MYO3B: variants seen among roughly 807,000 people sequenced by gnomAD.
MYO3B encodes the protein myosin IIIB.
MYO3B carries 156 observed loss-of-function variants against 174.6 expected under a neutral mutation model. The ratio of observed to expected loss-of-function variants is 0.89; its 90% CI spans 0.78 to 1.02. The LOEUF (loss-of-function observed/expected upper bound fraction) is 1.02, where lower values mean the gene tolerates loss of function less well. MYO3B is among the 50% of genes least tolerant of loss of function. The pLI is 0.00. For missense variants in MYO3B, 1,632 were observed against 1,639.4 expected, an observed-to-expected ratio of 1.00 and a Z score of 0.08; for synonymous variants, 563 against 569.1, an observed-to-expected ratio of 0.99 and a Z score of 0.15.
chr2:170,271,124 T>C (rs545446879), intron 7 of MYO3B, among the ~76,000 whole-genome samples: 3 of 152,172 alleles, frequency 2.0e-5, no homozygotes, highest in Non-Finnish European at 4.4e-5. Flanking sequence ...TGTAACCTGG[T>C]TTCCAGGGGT....
chr2:170,402,765 T>A, intron 18 of MYO3B, 83 bp from the exon 19 acceptor site: 6 of 1,337,614 alleles, frequency 4.5e-6, no homozygotes, highest in Non-Finnish European at 5.9e-6. Context: ...CTTGAGCTGA[T>A]AAGCACTTGG....
At chr2:170,302,975 T>A (rs1379270042) in intron 7 of MYO3B, among the ~76,000 whole-genome samples, 2 of 152,194 alleles carry the variant, frequency 1.3e-5, no homozygotes, top group East Asian at 3.8e-4. Flanking sequence ...ATCTTTTCAT[T>A]CTTGAGTCTA....
intron 32 of MYO3B, among the ~76,000 whole-genome samples, chr2:170,607,285 T>A (rs1694871184): frequency 6.6e-6 from 1 of 152,250 alleles, no homozygotes; most frequent in Non-Finnish European, 1.5e-5. Context: ...TAGATTATGA[T>A]GCAGAAATAA....
At chr2:170,235,884 T>C in intron 6 of MYO3B, 107 bp from the exon 7 acceptor site, 1 of 1,343,198 alleles carries the variant, frequency 7.4e-7, no homozygotes, top group South Asian at 1.3e-5. Flanking sequence ...TTCAATATCA[T>C]CGTGGCCAAG....
chr2:170,293,279 A>G (rs2093607786), intron 7 of MYO3B, among the ~76,000 whole-genome samples: 1 of 152,186 alleles, frequency 6.6e-6, no homozygotes, highest in Non-Finnish European at 1.5e-5. Context: ...TACTTTTTCC[A>G]TAAAAGTTTG....
At chr2:170,460,762 A>T (rs1387944334) in intron 23 of MYO3B, among the ~76,000 whole-genome samples, 1 of 152,194 alleles carries the variant, frequency 6.6e-6, no homozygotes, top group Non-Finnish European at 1.5e-5. Flanking sequence ...TAGAGTGCAA[A>T]TTGGTGCTTA....
intron 7 of MYO3B, chr2:170,334,151 AAGG>A (rs775524705): frequency 2.6e-5 from 4 of 152,156 alleles, no homozygotes; most frequent in Non-Finnish European, 4.4e-5. Context: ...AAGAAGGGGG[AAGG>A]AGAAGAATGG....
chr2:170,180,193 C>T, intron 1 of MYO3B: 1 of 442,802 alleles, frequency 2.3e-6, no homozygotes, highest in Non-Finnish European at 4.6e-6. Context: ...TAAGGCTGTA[C>T]CTCCGTTAGG....
At chr2:170,357,474 G>T (rs1028169467) in intron 8 of MYO3B, among the ~76,000 whole-genome samples, 1 of 150,926 alleles carries the variant, frequency 6.6e-6, no homozygotes, top group African/African-American at 2.4e-5. Flanking sequence ...TGTGGACACC[G>T]CTAACAAAGT....
At position 170,402,114 on chromosome 2, in the gene MYO3B, C is replaced by A. The variant is rs568272969; in HGVS notation, c.2129+423C>A. ...GGAGCTGGACAAACTGGGTTCGCAC[C>A]CAAACTCTACAGCTTAACCCATTTA... On this transcript the variant is annotated intron_variant, in intron 18 of 34. Coordinates refer to ENST00000408978, the MANE Select transcript of MYO3B (RefSeq NM_138995.5). Among the ~76,000 whole-genome samples the A allele has an allele frequency of 1.1e-4, 17 of 152,262 alleles. No individual in the cohort carries two copies. The South Asian group carries it at 3.5e-3, about 32-fold the overall frequency.
chr2:170,217,265 T>C (rs1343944157), intron 5 of MYO3B, 54 bp from the exon 6 acceptor site: 12 of 1,505,738 alleles, frequency 8.0e-6, no homozygotes, highest in South Asian at 2.3e-5. Context: ...TGCCGATTGC[T>C]GGTCTAGCAT....
intron 22 of MYO3B, among the ~76,000 whole-genome samples, chr2:170,429,167 T>A (rs2094688576): frequency 6.6e-6 from 1 of 152,210 alleles, no homozygotes; most frequent in Non-Finnish European, 1.5e-5. Flanking sequence ...AGGGATTTTT[T>A]AATTTGCAGT....
chr2:170,539,167 A>G (rs1372774145), intron 30 of MYO3B, among the ~76,000 whole-genome samples: 2 of 152,192 alleles, frequency 1.3e-5, no homozygotes, highest in African/African-American at 2.4e-5. Context: ...TTTTTTCAGA[A>G]TACTGACTTT....
intron 32 of MYO3B, among the ~76,000 whole-genome samples, chr2:170,630,307 G>T (rs891528102): frequency 6.6e-6 from 1 of 152,196 alleles, no homozygotes; most frequent in East Asian, 1.9e-4. Flanking sequence ...CTCATTGCTA[G>T]TCCGAGATCA....
intron 7 of MYO3B, among the ~76,000 whole-genome samples, chr2:170,321,296 A>G (rs965749287): frequency 6.6e-6 from 1 of 152,238 alleles, no homozygotes; most frequent in African/African-American, 2.4e-5. Context: ...AAAGGATTTA[A>G]TAAAATAGAA....
rs571056888 is a variant in MYO3B, at chr2:170,562,476, C to T, written c.3733+18488C>T. Among the ~76,000 whole-genome samples the T allele has an allele frequency of 1.2e-4, 18 of 151,926 alleles. No individual in the cohort carries two copies. In the South Asian group the frequency reaches 3.5e-3, roughly 30 times the overall value. ...GATATAGAAAAATAACCCCAAAAGCCGACAAAACCCAAAAATAACAATAAC... is the reference window on the plus strand; with the variant it reads ...GATATAGAAAAATAACCCCAAAAGCTGACAAAACCCAAAAATAACAATAAC... On this transcript the variant is annotated intron_variant, in intron 32 of 34. Coordinates refer to ENST00000408978, the MANE Select transcript of MYO3B (RefSeq NM_138995.5).
intron 6 of MYO3B, 54 bp downstream of exon 6, chr2:170,217,449 A>G: frequency 7.2e-7 from 1 of 1,397,464 alleles, no homozygotes; most frequent in Non-Finnish European, 1.0e-6. Context: ...CCTTGGTACT[A>G]TGCCTTTTTA....
intron 9 of MYO3B, among the ~76,000 whole-genome samples, chr2:170,377,600 C>T (rs995510394): frequency 3.3e-5 from 5 of 152,124 alleles, no homozygotes; most frequent in East Asian, 1.9e-4. Context: ...CACAGTCTCC[C>T]GCTCCACTGC....
At position 170,494,727 on chromosome 2, in the gene MYO3B, CAAA is replaced by C. The variant is rs3066990; in HGVS notation, c.3015-3846_3015-3844del. Reference sequence around the variant, plus strand: ...TGGGCAACAGAGTTAAACTGCGTCTCAAAAAAAAAAAAAAAAAAAAAGAAGAAG... The same window carrying C: ...TGGGCAACAGAGTTAAACTGCGTCTCAAAAAAAAAAAAAAAAAAGAAGAAG... On this transcript the variant is annotated intron_variant, in intron 25 of 34. Transcript: ENST00000408978. Among the ~76,000 whole-genome samples the C allele has an allele frequency of 8.3e-3, 768 of 92,032 alleles. 7 individuals carry two copies. Among genetic ancestry groups the C allele is most frequent in the African/African-American group, 0.028 (704 of 24,838 alleles). 60.4% of individuals were successfully genotyped at this position (92,032 alleles called of 152,430 possible).
Sources: gnomAD v4.1 joint callset for allele counts (sites outside exome capture counted in the v4.1 genomes callset) on GRCh38, gnomAD v4.1.1 for gene constraint, MANE v1.5 for transcripts, NCBI Gene and HGNC (gene_info 2026-07-23, HGNC 2026-07-21) for gene names.